WWTR1: variants seen among roughly 807,000 people sequenced by gnomAD.
WWTR1 encodes WW domain containing transcription regulator 1, also known as WW domain-containing transcription regulator protein 1.
A neutral mutation model predicts 40.1 loss-of-function variants in WWTR1; 13 were observed. The ratio of observed to expected loss-of-function variants is 0.32; its 90% CI spans 0.21 to 0.52. The LOEUF is 0.52. WWTR1 is among the 20% of genes least tolerant of loss of function. The pLI is 0.97. For synonymous variants in WWTR1, 230 were observed against 210.1 expected (o/e 1.09, Z -0.82); for missense variants, 436 against 523.1 (o/e 0.83, Z 1.63).
At chr3:149,590,939 T>C (rs1270060534) in intron 2 of WWTR1, among the ~76,000 whole-genome samples, 1 of 151,374 alleles carries the variant, frequency 6.6e-6, no homozygotes, top group East Asian at 1.9e-4. Context: ...CCACCATCCC[T>C]CCTTGTCCCT....
chr3:149,665,227 C>CATT, intron 2 of WWTR1, among the ~76,000 whole-genome samples: 1 of 128,252 alleles, frequency 7.8e-6, no homozygotes, highest in Admixed American at 8.4e-5. Flanking sequence ...TCCTTTCTTT[C>CATT]TTTTTTTTTT....
chr3:149,657,411 G>A, intron 1 of WWTR1, 102 bp from the exon 2 acceptor site: 1 of 1,343,544 alleles, frequency 7.4e-7, no homozygotes, highest in Non-Finnish European at 9.9e-7. Context: ...AGAATAGAGG[G>A]AAAAGGAAAC....
chr3:149,605,568 T>C (rs926414185), intron 2 of WWTR1, among the ~76,000 whole-genome samples: 18 of 152,160 alleles, frequency 1.2e-4, no homozygotes, highest in African/African-American at 3.9e-4. Context: ...GCTTTGGACA[T>C]GTTGCCTTTG....
At chr3:149,707,677 A>G (rs1335410556), upstream of WWTR1, among the ~76,000 whole-genome samples, 1 of 152,130 alleles carries the variant, frequency 6.6e-6, no homozygotes, top group South Asian at 2.1e-4. Context: ...GAGGACTCAG[A>G]GCCTACCTAA....
intron 1 of WWTR1, among the ~76,000 whole-genome samples, chr3:149,672,045 T>C (rs1174653850): frequency 6.6e-6 from 1 of 152,058 alleles, no homozygotes; most frequent in Non-Finnish European, 1.5e-5. Flanking sequence ...CCCTGTCTCC[T>C]AGAAAAAGGG....
intron 2 of WWTR1, among the ~76,000 whole-genome samples, chr3:149,583,613 C>T (rs1023591011): frequency 1.3e-5 from 2 of 152,156 alleles, no homozygotes; most frequent in African/African-American, 4.8e-5. Context: ...TCAGTAAGCC[C>T]AATGCAGCCA....
intron 2 of WWTR1, among the ~76,000 whole-genome samples, chr3:149,602,277 T>C (rs1164466619): frequency 6.6e-6 from 1 of 152,232 alleles, no homozygotes; most frequent in African/African-American, 2.4e-5. Context: ...TATTTTAATA[T>C]CCTTTATATT....
intron 1 of WWTR1, among the ~76,000 whole-genome samples, chr3:149,685,854 T>C (rs1445006917): frequency 6.6e-6 from 1 of 152,214 alleles, no homozygotes; most frequent in Non-Finnish European, 1.5e-5. Context: ...TAACATATGG[T>C]ATTTGTTATA....
Position 149,678,445 on chromosome 3 carries a change from T to C in WWTR1, c.-107-8554A>G, listed in dbSNP as rs187608742. On this transcript the variant is annotated intron_variant, in intron 1 of 7. Transcript: ENST00000465804. ...TTCCATAATGGCCAGTAGTACATTC[T>C]GCTTAATTGTCATGTTCTGTTAATC... 1.6e-4 allele frequency among the ~76,000 whole-genome samples: 24 copies of C among 152,288 alleles called. No homozygotes were observed. In the East Asian group the frequency reaches 4.1e-3, roughly 26 times the overall value.
chr3:149,630,263 A>G (rs1711512683), intron 2 of WWTR1, among the ~76,000 whole-genome samples: 2 of 152,228 alleles, frequency 1.3e-5, no homozygotes, highest in Non-Finnish European at 2.9e-5. Context: ...TAAGTGAACC[A>G]TAATTATAAG....
In WWTR1 at chr3:149,657,068, C is replaced by A; in HGVS notation, c.239G>T (p.Gly80Val). 1.3e-6 allele frequency: 2 copies of A among 1,570,302 alleles called. No individual in the cohort carries two copies. The highest frequency in any genetic ancestry group is 1.9e-5 in the Admixed American group (1 of 53,936). Reference protein sequence around the residue: ...SGGHPGPRLAGGAQHVRSHSS... With the variant: ...SGGHPGPRLAVGAQHVRSHSS... ...GTGCGAGCGGACATGCTGGGCACCC[C>A]CAGCCAGTCGAGGCCCCGGGTGGCC... is the stretch of plus-strand genomic sequence containing the variant. The change falls in exon 2 of 7, where the codon GGG (glycine) becomes GTG (valine). Residue 80 changes from glycine to valine, a missense_variant. Coordinates refer to ENST00000360632, the MANE Select transcript of WWTR1 (RefSeq NM_015472.6).
chr3:149,613,220 T>C (rs994462502), intron 2 of WWTR1, among the ~76,000 whole-genome samples: 1 of 152,106 alleles, frequency 6.6e-6, no homozygotes, highest in South Asian at 2.1e-4. Context: ...GACCAGGAAA[T>C]GTAAAGGCAC....
intron 2 of WWTR1, among the ~76,000 whole-genome samples, chr3:149,584,290 TGGG>T (rs1404886997): frequency 3.3e-5 from 5 of 152,258 alleles, no homozygotes; most frequent in Non-Finnish European, 7.3e-5. Flanking sequence ...AAAATTCTTT[TGGG>T]TTAGGCTAGC....
In WWTR1 at chr3:149,553,667, A is replaced by C. The variant is rs73152701; in HGVS notation, c.569-11130T>G. Among the ~76,000 whole-genome samples the C allele has an allele frequency of 4.4e-3, 671 of 152,354 alleles. 2 individuals carry two copies. The highest frequency in any genetic ancestry group is 6.2e-3 in the Non-Finnish European group (422 of 68,036). On this transcript the variant is annotated intron_variant, in intron 3 of 6. Coordinates refer to ENST00000360632, the MANE Select transcript of WWTR1 (RefSeq NM_015472.6). The stretch of plus-strand genomic sequence containing the variant: ...GGGAATAATGATATGCAACTGAAAG[A>C]AGCAAGCCAAAACATACAGGTGTAA...
rs150287448 is a variant in WWTR1 at position 149,551,888 on chromosome 3, T to C, written c.569-9351A>G. Among the ~76,000 whole-genome samples the C allele has an allele frequency of 3.1e-3, 456 of 146,014 alleles. 48 individuals carry two copies. Among genetic ancestry groups the C allele is most frequent in the Non-Finnish European group, 4.8e-3 (319 of 66,390 alleles). On this transcript the variant is annotated intron_variant, in intron 3 of 6. Coordinates refer to ENST00000360632, the MANE Select transcript of WWTR1 (RefSeq NM_015472.6). ...AGATTAGCTGTCAGTGTGTCCTCCT[T>C]GGATTAAAAATTGGTGGTTGTCCTT...
chr3:149,538,512 A>G (rs889319331), intron 4 of WWTR1, among the ~76,000 whole-genome samples: 11 of 152,192 alleles, frequency 7.2e-5, no homozygotes, highest in African/African-American at 2.4e-4. Context: ...AAGATAATTC[A>G]TCAATTATCA....
At chr3:149,594,771 T>C (rs1738901290) in intron 2 of WWTR1, among the ~76,000 whole-genome samples, 1 of 151,584 alleles carries the variant, frequency 6.6e-6, no homozygotes, top group Non-Finnish European at 1.5e-5. Flanking sequence ...AAAGACATTT[T>C]TGGAACAACT....
intron 1 of WWTR1, among the ~76,000 whole-genome samples, chr3:149,692,066 T>C (rs1388439968): frequency 6.6e-6 from 1 of 151,518 alleles, no homozygotes; most frequent in Non-Finnish European, 1.5e-5. Context: ...CTACTCACAC[T>C]ATTCCAAAAA....
upstream of WWTR1, among the ~76,000 whole-genome samples, chr3:149,706,893 C>T (rs1057244006): frequency 3.9e-5 from 6 of 152,128 alleles, no homozygotes; most frequent in African/African-American, 1.4e-4. Flanking sequence ...TCAATTGCTC[C>T]GTGGTATTAG....
Sources: gnomAD v4.1 joint callset for allele counts (sites outside exome capture counted in the v4.1 genomes callset) on GRCh38, gnomAD v4.1.1 for gene constraint, MANE v1.5 for transcripts, NCBI Gene and HGNC (gene_info 2026-07-23, HGNC 2026-07-21) for gene names.